The following FAM83F variants were observed in gnomAD, a reference collection of about 807,000 sequenced individuals.
FAM83F encodes the protein protein FAM83F.
In FAM83F, 45 loss-of-function variants were observed where a neutral mutation model predicts 42.9. The ratio of observed to expected loss-of-function variants is 1.05; its 90% CI spans 0.83 to 1.35. The LOEUF (loss-of-function observed/expected upper bound fraction) is 1.35, where lower values mean the gene tolerates loss of function less well. Among genes scored for constraint, FAM83F ranks in the 40% most tolerant of loss-of-function variants. The probability of loss-of-function intolerance (pLI) is 0.00; values close to 1 mark genes in which losing one functional copy is unlikely to be tolerated. For missense variants in FAM83F, 617 were observed against 695.9 expected (o/e 0.89, Z 1.28); for synonymous variants, 306 against 298.3 (o/e 1.03, Z -0.27).
rs1280585275 is a variant in FAM83F, at chr22:40,030,663, GCCTTCCCCA to G, written c.*1100_*1108del. On this transcript the variant is annotated 3_prime_UTR_variant, in exon 5 of 5. Coordinates refer to ENST00000333407, the MANE Select transcript of FAM83F (RefSeq NM_138435.4). Reference sequence around the variant, plus strand: ...GAGGCCCAGTAAGCAATTCCATTCTGCCTTCCCCACTTGGGTGACTGGAGAGGGCCGAGG... The same window carrying G: ...GAGGCCCAGTAAGCAATTCCATTCTGCTTGGGTGACTGGAGAGGGCCGAGG... 5.3e-5 allele frequency: 8 copies of G among 152,294 alleles called. No individual in the cohort carries two copies. Among genetic ancestry groups the G allele is most frequent in the African/African-American group, 1.9e-4 (8 of 41,456 alleles). The allele number at this position is 152,294 out of a possible 1,614,324, so 9.4% of individuals were successfully genotyped here.
At chr22:40,000,416 T>C (rs945081644) in intron 1 of FAM83F, among the ~76,000 whole-genome samples, 1 of 151,982 alleles carries the variant, frequency 6.6e-6, no homozygotes, top group Non-Finnish European at 1.5e-5. Context: ...AGTCTTGGAG[T>C]CATCAGCTCA....
At position 39,995,363 on chromosome 22, in the gene FAM83F, C is replaced by G. The variant is rs1451920231; in HGVS notation, c.321C>G (p.Tyr107Ter). 1 of 1,544,262 alleles carries G rather than the reference C, an allele frequency of 6.5e-7. No homozygotes were observed. The highest frequency in any genetic ancestry group is 1.4e-5 in the African/African-American group (1 of 73,032). ...APAESGESLA[Y>*]WPDRSDTEVP... ...CTGAGTCCGGCGAGTCCCTGGCCTA[C>G]TGGCCCGACCGTTCCGACACCGAGG... Residue 107 changes from tyrosine to a stop codon, truncating the protein, a stop_gained, in exon 1 of 5, where the codon TAC becomes TAG. Transcript: ENST00000333407. LOFTEE classifies it high-confidence loss of function. The surrounding 1 kb of genome is among the most constrained non-coding windows in gnomAD (Gnocchi z 4.6).
In FAM83F at chr22:40,019,922, C is replaced by T; in HGVS notation, c.693C>T (p.Phe231=). 1.2e-6 allele frequency: 2 copies of T among 1,613,474 alleles called. No individual in the cohort carries two copies. The highest frequency in any genetic ancestry group is 1.1e-5 in the South Asian group (1 of 91,032). ...TCCGCTCTGTGACAGGCGTCGGCTT[C>T]TACATGCCCATGGGGAGGATCAAGG... ...IRVRSVTGVG[F]YMPMGRIKGT... The change falls in exon 3 of 5, where the codon TTC becomes TTT. Residue 231 remains phenylalanine (F), a synonymous_variant. Transcript: ENST00000333407.
At chr22:40,017,315 G>A (rs1475827268) in intron 1 of FAM83F, among the ~76,000 whole-genome samples, 2 of 142,932 alleles carry the variant, frequency 1.4e-5, no homozygotes, top group African/African-American at 5.4e-5. Flanking sequence ...TGCAACCCCT[G>A]CCTCCTGGGT....
intron 1 of FAM83F, among the ~76,000 whole-genome samples, chr22:40,007,788 T>C (rs566113772): frequency 6.6e-6 from 1 of 152,272 alleles, no homozygotes; most frequent in East Asian, 1.9e-4. Flanking sequence ...GTTTGTTGTT[T>C]AGTGGTTCCC....
chr22:40,029,966 T>G lies in FAM83F; in HGVS notation c.*401T>G. Reference sequence around the variant, plus strand: ...CTCCTTTCCCAGGCTTCCTGGTGCTTCTGGTTCCCCACGCCACTCCCCACC... The same window carrying G: ...CTCCTTTCCCAGGCTTCCTGGTGCTGCTGGTTCCCCACGCCACTCCCCACC... On this transcript the variant is annotated 3_prime_UTR_variant, in exon 5 of 5. Transcript: ENST00000333407. 1 of 175,706 alleles carries G rather than the reference T, an allele frequency of 5.7e-6. No individual in the cohort carries two copies. The highest frequency in any genetic ancestry group is 1.2e-5 in the Non-Finnish European group (1 of 82,122). The allele number at this position is 175,706 out of a possible 1,614,324, so 10.9% of individuals were successfully genotyped here. A position where few individuals can be genotyped will look rare whatever the true frequency, so the allele number is the denominator to read the frequency against.
At chr22:40,006,720 C>T (rs2067431151) in intron 1 of FAM83F, among the ~76,000 whole-genome samples, 1 of 152,212 alleles carries the variant, frequency 6.6e-6, no homozygotes, top group South Asian at 2.1e-4. Context: ...GAAGGGTCTG[C>T]AGCCAAGCTG....
chr22:39,998,158 C>G (rs2067380481), intron 1 of FAM83F, among the ~76,000 whole-genome samples: 2 of 152,108 alleles, frequency 1.3e-5, no homozygotes, highest in African/African-American at 4.8e-5. Flanking sequence ...TCCTCCTCCC[C>G]TTTCGCCCTG....
chr22:40,004,442 A>G (rs1166204328), intron 1 of FAM83F, among the ~76,000 whole-genome samples: 4 of 152,006 alleles, frequency 2.6e-5, no homozygotes, highest in African/African-American at 9.7e-5. Flanking sequence ...AGCTGGGACT[A>G]CAGGCGTGTG....
chr22:40,021,934 C>T lies in FAM83F; in HGVS notation c.1424C>T (p.Pro475Leu). 1 of 1,573,298 alleles carries T rather than the reference C, an allele frequency of 6.4e-7. No homozygotes were observed. Among genetic ancestry groups the T allele is most frequent in the Non-Finnish European group, 8.6e-7 (1 of 1,158,306 alleles). Residue 475 changes from proline (P) to leucine (L), a missense_variant, in exon 4 of 5, where the codon CCC becomes CTC. Physicochemically the swap from Pro to Leu is moderately conservative, Grantham distance 98. Transcript: ENST00000333407. This position sits in a 1 kb window ranked among gnomAD's most constrained non-coding sequence, Gnocchi z 8.7. Reference protein sequence around the residue: ...SEVEFLTGKRPNENSSADISG... With the variant: ...SEVEFLTGKRLNENSSADISG... ...GTGGAGTTTCTGACGGGGAAGAGGCCCAACGAGAATTCCAGTGCTGACATC... is the reference window on the plus strand; with the variant it reads ...GTGGAGTTTCTGACGGGGAAGAGGCTCAACGAGAATTCCAGTGCTGACATC...
At chr22:40,016,302 A>C (rs1363305769) in intron 1 of FAM83F, among the ~76,000 whole-genome samples, 1 of 152,148 alleles carries the variant, frequency 6.6e-6, no homozygotes, top group East Asian at 1.9e-4. Flanking sequence ...TCATAGGCTC[A>C]AGCAATCCTC....
rs374870818 is a variant in FAM83F at position 40,021,771 on chromosome 22, C to A, written c.1261C>A (p.Arg421=). 6.2e-7 allele frequency: 1 copy of A among 1,612,838 alleles called. No homozygotes were observed. Among genetic ancestry groups the A allele is most frequent in the Non-Finnish European group, 8.5e-7 (1 of 1,179,776 alleles). ...LKPKSREAPS[R]NGMGEAARGE... is the part of the protein sequence containing the mutation. The stretch of plus-strand genomic sequence containing the variant: ...GCCCAAATCCCGAGAGGCACCCAGC[C>A]GAAACGGCATGGGAGAAGCGGCCCG... Residue 421 remains arginine, a synonymous_variant, in exon 4 of 5, where the codon CGA becomes AGA. Coordinates refer to ENST00000333407, the MANE Select transcript of FAM83F (RefSeq NM_138435.4). The surrounding 1 kb of genome is among the most constrained non-coding windows in gnomAD (Gnocchi z 8.7).
At position 40,040,040 on chromosome 22, in the gene FAM83F, G is replaced by A. The variant is rs549195406; in HGVS notation, c.*10475G>A. ...GAAGGAAGCTATTTGAAGGGAGTGG[G>A]AGAAAAGCCAGATCTCAGTTGGGAC... On this transcript the variant is annotated 3_prime_UTR_variant, in exon 5 of 5. Coordinates refer to ENST00000333407, the MANE Select transcript of FAM83F (RefSeq NM_138435.4). The A allele has an allele frequency of 6.6e-6, 1 of 152,402 alleles. No homozygotes were observed. Among genetic ancestry groups the A allele is most frequent in the African/African-American group, 2.4e-5 (1 of 41,582 alleles). The allele number at this position is 152,402 out of a possible 1,614,324, so 9.4% of individuals were successfully genotyped here.
rs549024829 is a variant in FAM83F at position 40,037,886 on chromosome 22, T to TA, written c.*8331dup. 0.013 allele frequency: 1,878 copies of TA among 148,028 alleles called. 26 individuals carry two copies. The highest frequency in any genetic ancestry group is 0.018 in the Non-Finnish European group (1,180 of 66,640). The allele number at this position is 148,028 out of a possible 1,614,324, so 9.2% of individuals were successfully genotyped here. A position where few individuals can be genotyped will look rare whatever the true frequency, so the allele number is the denominator to read the frequency against. On this transcript the variant is annotated 3_prime_UTR_variant, in exon 5 of 5. Coordinates refer to ENST00000333407, the MANE Select transcript of FAM83F (RefSeq NM_138435.4). ...GCATGCACCACCCTGCCCAGCTAATTAAAAAAAAAACTTTAGGGATGGGGT... is the reference window on the plus strand; with the variant it reads ...GCATGCACCACCCTGCCCAGCTAATTAAAAAAAAAAACTTTAGGGATGGGGT...
At chr22:40,024,729 G>T (rs1238824058) in intron 4 of FAM83F, among the ~76,000 whole-genome samples, 2 of 152,182 alleles carry the variant, frequency 1.3e-5, no homozygotes, top group African/African-American at 4.8e-5. Flanking sequence ...CTCTTGTCAA[G>T]GGAGAACCTG....
intron 1 of FAM83F, among the ~76,000 whole-genome samples, chr22:40,017,479 C>T (rs565507014): frequency 7.2e-5 from 11 of 152,222 alleles, no homozygotes; most frequent in East Asian, 1.9e-4. Context: ...GTGATTCACC[C>T]GCCTCAGCCT....
chr22:40,002,957 G>T (rs920920635), intron 1 of FAM83F, among the ~76,000 whole-genome samples: 1 of 152,184 alleles, frequency 6.6e-6, no homozygotes, highest in Non-Finnish European at 1.5e-5. Context: ...ACTCAGAAGA[G>T]GCTGGGGGAG....
intron 1 of FAM83F, among the ~76,000 whole-genome samples, chr22:40,004,328 G>T (rs61353615): frequency 9.9e-6 from 1 of 100,894 alleles, no homozygotes; most frequent in African/African-American, 3.0e-5. Context: ...CTGAGAGGGA[G>T]TCTTGCTCTG....
intron 4 of FAM83F, among the ~76,000 whole-genome samples, chr22:40,026,985 C>T (rs1231898941): frequency 6.6e-6 from 1 of 152,154 alleles, no homozygotes; most frequent in African/African-American, 2.4e-5. Context: ...CTGTCTCATG[C>T]ATTTTATTCA....
Sources: gnomAD v4.1 joint callset for allele counts (sites outside exome capture counted in the v4.1 genomes callset) on GRCh38, gnomAD v4.1.1 for gene constraint, Gnocchi (gnomAD v3.1) non-coding constraint, MANE v1.5 for transcripts, NCBI Gene and HGNC (gene_info 2026-07-23, HGNC 2026-07-21) for gene names.